CHRDL1: variants seen among roughly 807,000 people sequenced by gnomAD.
The protein encoded by CHRDL1 is chordin like 1.
Under a neutral mutation model 40.9 loss-of-function variants are expected in CHRDL1, and 19 were observed. That is an observed-to-expected ratio of 0.46 (90% confidence interval 0.32 to 0.68). The LOEUF is 0.68. CHRDL1 is among the 30% of genes least tolerant of loss of function. The pLI is 0.03. For missense variants in CHRDL1, 329 were observed against 352.1 expected, an observed-to-expected ratio of 0.93 and a Z score of 0.53; for synonymous variants, 136 against 123.4, an observed-to-expected ratio of 1.10 and a Z score of -0.68.
chrX:110,768,326 C>A (rs938698684), intron 2 of CHRDL1, among the ~76,000 whole-genome samples: 1 of 112,037 alleles, frequency 8.9e-6, no homozygotes, highest in African/African-American at 3.2e-5. Flanking sequence ...ATTCAACTTA[C>A]AGAATTCTTG....
At chrX:110,741,711 T>C (rs2071363319) in intron 4 of CHRDL1, among the ~76,000 whole-genome samples, 1 of 111,970 alleles carries the variant, frequency 8.9e-6, no homozygotes, top group Admixed American at 9.4e-5. Flanking sequence ...TCCAGTGTCC[T>C]TGGCATCTGA....
intron 6 of CHRDL1, among the ~76,000 whole-genome samples, chrX:110,717,287 G>A (rs757847879): frequency 8.8e-4 from 99 of 111,977 alleles, no homozygotes; most frequent in Non-Finnish European, 1.4e-3. Flanking sequence ...GCACACTAAA[G>A]TGTGAGAAAC....
chrX:110,772,351 CT>C (rs932371645), intron 2 of CHRDL1, among the ~76,000 whole-genome samples: 1 of 112,852 alleles, frequency 8.9e-6, no homozygotes, highest in African/African-American at 3.2e-5. Flanking sequence ...TAAAATTACA[CT>C]TTTTGGCCGG....
intron 9 of CHRDL1, among the ~76,000 whole-genome samples, chrX:110,682,314 T>C (rs1336026659): frequency 8.9e-6 from 1 of 112,115 alleles, no homozygotes; most frequent in Non-Finnish European, 1.9e-5. Context: ...AAATGAATGG[T>C]TGGGAGACAC....
At chrX:110,728,660 T>G (rs1398181942) in intron 4 of CHRDL1, among the ~76,000 whole-genome samples, 1 of 112,019 alleles carries the variant, frequency 8.9e-6, no homozygotes. Context: ...GAGCTGGCTT[T>G]TAGTCCTTGG....
chrX:110,736,972 C>T (rs2071274791), intron 4 of CHRDL1, among the ~76,000 whole-genome samples: 1 of 111,551 alleles, frequency 9.0e-6, no homozygotes, highest in Non-Finnish European at 1.9e-5. Flanking sequence ...AGAAGTGATC[C>T]CAGAAGTGGA....
At chrX:110,794,957 A>G (rs2090158915) in intron 1 of CHRDL1, among the ~76,000 whole-genome samples, 1 of 112,544 alleles carries the variant, frequency 8.9e-6, no homozygotes, top group South Asian at 3.7e-4. Flanking sequence ...CCCAGCAAGA[A>G]AAGTTCAGTT....
rs1168257019 is a variant in CHRDL1, at chrX:110,711,953, T to C, written c.541+7882A>G. On this transcript the variant is annotated intron_variant, in intron 6 of 11. Coordinates refer to ENST00000372042, the MANE Select transcript of CHRDL1 (RefSeq NM_001143981.2). ...TCTCCCTGGGCTCATTTGAGATATG[T>C]TGGATGAACGGGCTTGGGTTGAGCA... is the stretch of plus-strand genomic sequence containing the variant. Among the ~76,000 whole-genome samples the C allele has an allele frequency of 2.7e-5, 3 of 112,072 alleles. No homozygotes were observed. In the Admixed American group the frequency reaches 2.8e-4, roughly 11 times the overall value.
At chrX:110,695,745 G>C (rs1483874069) in intron 7 of CHRDL1, among the ~76,000 whole-genome samples, 1 of 111,952 alleles carries the variant, frequency 8.9e-6, no homozygotes, top group African/African-American at 3.3e-5. Flanking sequence ...CCACAGACAG[G>C]CATGTTGCAA....
At chrX:110,750,396 T>A (rs756708531) in intron 4 of CHRDL1, among the ~76,000 whole-genome samples, 3 of 110,571 alleles carry the variant, frequency 2.7e-5, no homozygotes, top group Non-Finnish European at 5.7e-5. Flanking sequence ...AGGTAATAAT[T>A]GCCTCTTCTG....
intron 11 of CHRDL1, among the ~76,000 whole-genome samples, chrX:110,676,934 C>T (rs868048638): frequency 1.8e-5 from 2 of 111,055 alleles, no homozygotes; most frequent in South Asian, 7.7e-4. Flanking sequence ...CCCTTAGCAC[C>T]CTAAATCCCT....
intron 7 of CHRDL1, among the ~76,000 whole-genome samples, chrX:110,694,897 A>T (rs2070355336): frequency 8.9e-6 from 1 of 112,128 alleles, no homozygotes; most frequent in South Asian, 3.7e-4. Flanking sequence ...AGTCCATAAA[A>T]GGGAACAGTT....
intron 8 of CHRDL1, among the ~76,000 whole-genome samples, chrX:110,690,239 G>A (rs1434408679): frequency 7.7e-5 from 8 of 103,782 alleles, no homozygotes; most frequent in South Asian, 4.2e-4. Flanking sequence ...TAGTAGAGAC[G>A]GGGTTTCACT....
chrX:110,728,314 C>A (rs913257604), intron 4 of CHRDL1, among the ~76,000 whole-genome samples: 1 of 111,005 alleles, frequency 9.0e-6, no homozygotes, highest in Non-Finnish European at 1.9e-5. Context: ...TATACATGTA[C>A]ATATACATAT....
At chrX:110,679,199 G>C (rs1329539705) in intron 11 of CHRDL1, 137 bp downstream of exon 11, 2 of 491,980 alleles carry the variant, frequency 4.1e-6, no homozygotes, top group Non-Finnish European at 3.6e-6. Context: ...ACCCAGAAGA[G>C]AGATGGAACA....
chrX:110,770,465 A>G (rs1373000503), intron 2 of CHRDL1, among the ~76,000 whole-genome samples: 2 of 111,616 alleles, frequency 1.8e-5, no homozygotes, highest in African/African-American at 6.5e-5. Flanking sequence ...AAAGGAGAAA[A>G]GTCTCAAATC....
chrX:110,676,470 C>A, intron 11 of CHRDL1, 109 bp from the exon 12 acceptor site: 3 of 700,612 alleles, frequency 4.3e-6, no homozygotes, highest in South Asian at 3.8e-5. Context: ...CATGGACCTA[C>A]CAGGGAATTT....
At chrX:110,705,643 G>A (rs1423775213) in intron 6 of CHRDL1, among the ~76,000 whole-genome samples, 1 of 104,952 alleles carries the variant, frequency 9.5e-6, no homozygotes, top group Non-Finnish European at 1.9e-5. Context: ...TTTGGATTTG[G>A]GGTTTTTGGA....
intron 4 of CHRDL1, among the ~76,000 whole-genome samples, chrX:110,728,042 T>C (rs1435361746): frequency 9.0e-6 from 1 of 111,417 alleles, no homozygotes; most frequent in Non-Finnish European, 1.9e-5. Flanking sequence ...AAAGATATAT[T>C]ATTAAATGAT....
Sources: allele counts gnomAD v4.1 joint callset (sites outside exome capture counted in the v4.1 genomes callset), GRCh38; gene constraint gnomAD v4.1.1; transcripts MANE v1.5; gene names NCBI Gene and HGNC (gene_info 2026-07-23, HGNC 2026-07-21).